MCTP1: variants seen among roughly 807,000 people sequenced by gnomAD.
The protein encoded by MCTP1 is multiple C2 and transmembrane domain containing 1, also known as multiple C2 and transmembrane domain-containing protein 1.
A neutral mutation model predicts 120.6 loss-of-function variants in MCTP1; 69 were observed. That is an observed-to-expected ratio of 0.57 (90% CI 0.47 to 0.70). MCTP1 has a LOEUF of 0.70. MCTP1 is among the 30% of genes least tolerant of loss of function. The probability of loss-of-function intolerance (pLI) is 0.00; values close to 1 mark genes in which losing one functional copy is unlikely to be tolerated. For missense variants in MCTP1, 1,203 were observed against 1,248.8 expected (o/e 0.96, Z 0.55); for synonymous variants, 529 against 493.1 (o/e 1.07, Z -0.96).
At chr5:94,825,596 G>A (rs957706302) in intron 17 of MCTP1, among the ~76,000 whole-genome samples, 1 of 152,130 alleles carries the variant, frequency 6.6e-6, no homozygotes, top group African/African-American at 2.4e-5. Flanking sequence ...GAACATCCCT[G>A]TTAATTTTCT....
At chr5:94,819,245 C>T (rs1442563106) in intron 17 of MCTP1, among the ~76,000 whole-genome samples, 2 of 152,032 alleles carry the variant, frequency 1.3e-5, no homozygotes, top group Non-Finnish European at 2.9e-5. Context: ...TCTTCTGCCT[C>T]GGCTCCCATG....
intron 1 of MCTP1, among the ~76,000 whole-genome samples, chr5:95,132,728 C>T (rs577467786): frequency 5.6e-4 from 86 of 152,334 alleles, no homozygotes; most frequent in African/African-American, 1.9e-3. Context: ...ACATCATTTC[C>T]TCGGGGCAGC....
chr5:94,870,886 C>A lies in MCTP1; in HGVS notation c.2227G>T (p.Val743Leu). The change falls in exon 15 of 23, where the codon GTG (valine) becomes TTG (leucine). Residue 743 changes from valine (V) to leucine (L), a missense_variant. By Grantham distance (32) the Val-to-Leu change is conservative. Around this residue, in one of 2 missense-constraint regions of MCTP1, gnomAD observed 740 missense variants for 871.1 expected, o/e 0.85. Coordinates refer to ENST00000515393, the MANE Select transcript of MCTP1 (RefSeq NM_024717.7). ...TTAAGACTTACAGCATTAAAAATCA[C>A]ATCTATTTCAAGATAGATGACCCCC... ...TKGVIYLEIDVIFNAVKASLR... is the reference protein window; with the variant it reads ...TKGVIYLEIDLIFNAVKASLR... 1 of 1,611,992 alleles carries A rather than the reference C, an allele frequency of 6.2e-7. No individual in the cohort carries two copies. The highest frequency in any genetic ancestry group is 8.5e-7 in the Non-Finnish European group (1 of 1,178,308).
chr5:95,031,719 C>T (rs13173295), intron 1 of MCTP1, among the ~76,000 whole-genome samples: 4,971 of 152,098 alleles, frequency 0.033, 174 homozygotes, highest in Admixed American at 0.11. Flanking sequence ...AATACTATGA[C>T]GGGAACAAAA....
At chr5:95,155,006 A>C (rs1744945538) in intron 1 of MCTP1, among the ~76,000 whole-genome samples, 1 of 152,168 alleles carries the variant, frequency 6.6e-6, no homozygotes, top group Admixed American at 6.5e-5. Context: ...GCTAATTATA[A>C]GCCTGTATAA....
chr5:94,963,338 G>A (rs1824752551), intron 2 of MCTP1, among the ~76,000 whole-genome samples: 1 of 140,856 alleles, frequency 7.1e-6, no homozygotes, highest in South Asian at 2.3e-4. Flanking sequence ...AGATTGCTAG[G>A]TAATATTGTA....
intron 1 of MCTP1, among the ~76,000 whole-genome samples, chr5:95,241,953 A>G (rs1019285120): frequency 4.6e-5 from 7 of 152,216 alleles, no homozygotes; most frequent in African/African-American, 1.7e-4. Flanking sequence ...AAAATAGGCA[A>G]AGAAAATAAA....
Position 94,796,650 on chromosome 5 carries a change from T to TATATATTATATATGTA in MCTP1, c.2556+2362_2556+2363insTACATATATAATATAT, listed in dbSNP as rs1453725780. The stretch of plus-strand genomic sequence containing the variant: ...TATATATTATATATGTAATATATAT[T>TATATATTATATATGTA]ATATATATTATATATATATGTATTC... On this transcript the variant is annotated intron_variant, in intron 18 of 22. Coordinates refer to ENST00000515393, the MANE Select transcript of MCTP1 (RefSeq NM_024717.7). Among the ~76,000 whole-genome samples, 33 of 16,440 alleles carry TATATATTATATATGTA rather than the reference T, an allele frequency of 2.0e-3. No individual in the cohort carries two copies. The East Asian group carries it at 0.04, about 20-fold the overall frequency. The allele number at this position is 16,440 out of a possible 152,430, so 10.8% of individuals were successfully genotyped here.
intron 2 of MCTP1, among the ~76,000 whole-genome samples, chr5:95,007,227 G>A (rs1429182211): frequency 6.6e-6 from 1 of 151,984 alleles, no homozygotes; most frequent in African/African-American, 2.4e-5. Flanking sequence ...CCTCCCACTG[G>A]GTCCCTCCCG....
At chr5:94,725,886 A>T (rs1230604441) in intron 19 of MCTP1, among the ~76,000 whole-genome samples, 1 of 152,210 alleles carries the variant, frequency 6.6e-6, no homozygotes, top group Non-Finnish European at 1.5e-5. Flanking sequence ...GTGCTTGGTA[A>T]ATATTAGTCG....
chr5:95,259,723 A>G (rs1272559993), intron 1 of MCTP1, among the ~76,000 whole-genome samples: 1 of 152,110 alleles, frequency 6.6e-6, no homozygotes, highest in Non-Finnish European at 1.5e-5. Context: ...CATCCAGGAT[A>G]ATATTCCCCT....
intron 1 of MCTP1, among the ~76,000 whole-genome samples, chr5:95,223,384 G>A (rs981857597): frequency 3.3e-5 from 5 of 152,118 alleles, no homozygotes; most frequent in African/African-American, 9.7e-5. Flanking sequence ...CCGGGAAGTC[G>A]AGGCTGCAGT....
At chr5:94,747,817 A>G (rs1403288101) in intron 19 of MCTP1, among the ~76,000 whole-genome samples, 2 of 152,094 alleles carry the variant, frequency 1.3e-5, no homozygotes, top group Non-Finnish European at 2.9e-5. Context: ...GAGGCCAGGC[A>G]TGGTGGCTCA....
chr5:95,041,151 G>C lies in MCTP1; in HGVS notation c.721-23667C>G, dbSNP rs868003136. Among the ~76,000 whole-genome samples, 12 of 151,844 alleles carry C rather than the reference G, an allele frequency of 7.9e-5. No homozygotes were observed. In the South Asian group the frequency reaches 1.2e-3, roughly 16 times the overall value. ...CACTGATGGAACACAAATTTTGTCTGAATTGTTTCACACAACAAACCTAAG... is the reference window on the plus strand; with the variant it reads ...CACTGATGGAACACAAATTTTGTCTCAATTGTTTCACACAACAAACCTAAG... On this transcript the variant is annotated intron_variant, in intron 1 of 22. Transcript: ENST00000515393.
intron 17 of MCTP1, among the ~76,000 whole-genome samples, chr5:94,842,000 C>G (rs1389924327): frequency 4.6e-5 from 7 of 152,206 alleles, no homozygotes; most frequent in Non-Finnish European, 1.5e-5. Flanking sequence ...AACATGAAAC[C>G]CTTAGCACTC....
chr5:94,942,140 C>T (rs1033572842), intron 4 of MCTP1, among the ~76,000 whole-genome samples: 6 of 151,954 alleles, frequency 3.9e-5, no homozygotes, highest in African/African-American at 7.2e-5. Context: ...AAGAAGTTTT[C>T]GGTTGAAAAG....
intron 17 of MCTP1, among the ~76,000 whole-genome samples, chr5:94,803,331 C>T (rs1364237397): frequency 6.6e-6 from 1 of 152,198 alleles, no homozygotes; most frequent in Non-Finnish European, 1.5e-5. Flanking sequence ...TAGAAGCTCT[C>T]TATCAACTGG....
chr5:94,953,115 C>T (rs1264365953), intron 3 of MCTP1, 104 bp downstream of exon 3: 2 of 1,036,608 alleles, frequency 1.9e-6, no homozygotes, highest in East Asian at 2.6e-5. Context: ...GAGCAGAACA[C>T]ATCTCTGGTG....
intron 2 of MCTP1, among the ~76,000 whole-genome samples, chr5:94,995,084 T>C (rs779764847): frequency 6.6e-6 from 1 of 152,212 alleles, no homozygotes; most frequent in Non-Finnish European, 1.5e-5. Context: ...CTTGTGATTG[T>C]GTGAGTCAAT....
Sources: allele counts gnomAD v4.1 joint callset (sites outside exome capture counted in the v4.1 genomes callset), GRCh38; gene constraint gnomAD v4.1.1; regional missense constraint gnomAD v4.1.1; transcripts MANE v1.5; gene names NCBI Gene and HGNC (gene_info 2026-07-23, HGNC 2026-07-21).